Variants in RHD observed in about 807,000 individuals in gnomAD.
RHD encodes Rh blood group D antigen.
A neutral mutation model predicts 45.5 loss-of-function variants in RHD; 16 were observed. The ratio of observed to expected loss-of-function variants is 0.35; its 90% CI spans 0.24 to 0.53. The LOEUF is 0.53. RHD is among the 20% of genes least tolerant of loss of function. The pLI, the probability that RHD is intolerant of heterozygous loss-of-function variation, is 0.92. For missense variants in RHD, 306 were observed against 532.0 expected (o/e 0.58, Z 4.18); for synonymous variants, 131 against 217.5 (o/e 0.60, Z 3.50).
At chr1:25,319,882 C>T (rs2124129652) in intron 8 of RHD, among the ~76,000 whole-genome samples, 1 of 131,436 alleles carries the variant, frequency 7.6e-6, no homozygotes, top group African/African-American at 2.6e-5. Context: ...AAGAGCCTAA[C>T]AGAGGAAGAG....
Position 25,285,821 on chromosome 1 carries a change from G to C in RHD, c.335+1062G>C, listed in dbSNP as rs538104973. ...CTCTGAATCCCTGTGCTGCCCAGAT[G>C]ATGGTAAACGTCATCCTAGGCATCT... On this transcript the variant is annotated intron_variant, in intron 2 of 9. Coordinates refer to ENST00000328664, the MANE Select transcript of RHD (RefSeq NM_016124.6). 1.5e-4 allele frequency among the ~76,000 whole-genome samples: 20 copies of C among 134,910 alleles called. 7 individuals carry two copies. The highest frequency in any genetic ancestry group is 3.3e-4 in the Non-Finnish European group (19 of 57,044). 88.5% of individuals were successfully genotyped at this position (134,910 alleles called of 152,430 possible). A position where few individuals can be genotyped will look rare whatever the true frequency, so the allele number is the denominator to read the frequency against.
intron 7 of RHD, among the ~76,000 whole-genome samples, chr1:25,308,735 T>C (rs1643980620): frequency 7.8e-6 from 1 of 127,942 alleles, no homozygotes; most frequent in South Asian, 2.4e-4. Flanking sequence ...AAGAAGCAGT[T>C]ATCCTCTTGC....
chr1:25,321,066 G>A (rs1644672008), intron 8 of RHD, among the ~76,000 whole-genome samples: 1 of 130,178 alleles, frequency 7.7e-6, no homozygotes, highest in South Asian at 2.4e-4. Context: ...TAAAATCAAA[G>A]ACACTTAAAA....
Position 25,315,339 on chromosome 1 carries a change from T to A in RHD, c.1074-1661T>A, listed in dbSNP as rs564013839. On this transcript the variant is annotated intron_variant, in intron 7 of 9. Coordinates refer to ENST00000328664, the MANE Select transcript of RHD (RefSeq NM_016124.6). The stretch of plus-strand genomic sequence containing the variant: ...TGGGGAGGAAGCAAACTATTGAAGA[T>A]ATACAAAGATGGCAAAGATGAGGGC... 3.9e-5 allele frequency among the ~76,000 whole-genome samples: 5 copies of A among 129,356 alleles called. No individual in the cohort carries two copies. In the East Asian group the frequency reaches 9.8e-4, roughly 25 times the overall value. 84.9% of individuals were successfully genotyped at this position (129,356 alleles called of 152,430 possible).
intron 5 of RHD, among the ~76,000 whole-genome samples, chr1:25,302,238 G>A (rs1231801697): frequency 7.7e-6 from 1 of 130,382 alleles, no homozygotes; most frequent in East Asian, 2.0e-4. Flanking sequence ...GCTGCTATTA[G>A]TAAAGAGAGA....
Position 25,300,872 on chromosome 1 carries a change from T to C in RHD, c.487-74T>C. On this transcript the variant is annotated intron_variant, in intron 3 of 9. Coordinates refer to ENST00000328664, the MANE Select transcript of RHD (RefSeq NM_016124.6). The stretch of plus-strand genomic sequence containing the variant: ...ACCTCCTAAGTGAAGCTCTGAACTT[T>C]CTCCAAGGACTATCAGGGCTTGCCC... The C allele has an allele frequency of 2.2e-6, 3 of 1,340,840 alleles. 1 individual carries two copies. Among genetic ancestry groups the C allele is most frequent in the Non-Finnish European group, 3.2e-6 (3 of 948,446 alleles). The allele number at this position is 1,340,840 out of a possible 1,614,324, so 83.1% of individuals were successfully genotyped here.
rs1375773725 is a variant in RHD at position 25,329,959 on chromosome 1, C to T, written c.*1035C>T. ...TGTGAGCCACCGTGCCCAGCCTATA[C>T]TTCCCTTTTTGAATACCATTTGGTG... is the stretch of plus-strand genomic sequence containing the variant. On this transcript the variant is annotated 3_prime_UTR_variant, in exon 10 of 10. Coordinates refer to ENST00000328664, the MANE Select transcript of RHD (RefSeq NM_016124.6). 1 of 132,122 alleles carries T rather than the reference C, an allele frequency of 7.6e-6. No individual in the cohort carries two copies. Among genetic ancestry groups the T allele is most frequent in the Non-Finnish European group, 1.8e-5 (1 of 55,752 alleles). 8.2% of individuals were successfully genotyped at this position (132,122 alleles called of 1,614,324 possible).
chr1:25,277,542 T>G (rs1316375446), intron 1 of RHD, among the ~76,000 whole-genome samples: 1 of 131,768 alleles, frequency 7.6e-6, no homozygotes, highest in Non-Finnish European at 1.8e-5. Context: ...CTCTGTATCT[T>G]AGAGACCTTG....
intron 3 of RHD, among the ~76,000 whole-genome samples, chr1:25,296,145 G>A (rs1190296385): frequency 8.4e-6 from 1 of 118,514 alleles, no homozygotes; most frequent in Admixed American, 8.1e-5. Context: ...TTAGAGGTGT[G>A]AGCCACCGCG....
At chr1:25,310,855 C>G (rs964881714) in intron 7 of RHD, among the ~76,000 whole-genome samples, 1 of 131,186 alleles carries the variant, frequency 7.6e-6, no homozygotes, top group Non-Finnish European at 1.8e-5. Context: ...CACCTGTAAT[C>G]TCAGCTACTC....
At position 25,320,894 on chromosome 1, in the gene RHD, C is replaced by G. The variant is rs1366277198; in HGVS notation, c.1154-995C>G. 1.5e-5 allele frequency among the ~76,000 whole-genome samples: 2 copies of G among 130,346 alleles called. 1 individual carries two copies. The highest frequency in any genetic ancestry group is 5.2e-5 in the African/African-American group (2 of 38,356). The allele number at this position is 130,346 out of a possible 152,430, so 85.5% of individuals were successfully genotyped here. A position where few individuals can be genotyped will look rare whatever the true frequency, so the allele number is the denominator to read the frequency against. ...CTGTCTCTGCAAAAAATACCAAAAACTGAGCTGGATATGGTAGCACACACC... is the reference window on the plus strand; with the variant it reads ...CTGTCTCTGCAAAAAATACCAAAAAGTGAGCTGGATATGGTAGCACACACC... On this transcript the variant is annotated intron_variant, in intron 8 of 9. Transcript: ENST00000328664.
rs1222869209 is a variant in RHD, at chr1:25,299,667, G to A, written c.487-1279G>A. ...TGAGAGTGGATCCTGCAGGGTCGTG[G>A]CAAGAACCTGGACCTTGACTTTGAG... On this transcript the variant is annotated intron_variant, in intron 3 of 9. Coordinates refer to ENST00000328664, the MANE Select transcript of RHD (RefSeq NM_016124.6). Among the ~76,000 whole-genome samples the A allele has an allele frequency of 6.1e-5, 8 of 131,632 alleles. 1 individual carries two copies. The highest frequency in any genetic ancestry group is 3.6e-5 in the Non-Finnish European group (2 of 55,678). The allele number at this position is 131,632 out of a possible 152,430, so 86.4% of individuals were successfully genotyped here.
rs554678110 is a variant in RHD, at chr1:25,313,796, G to A, written c.1074-3204G>A. Reference sequence around the variant, plus strand: ...CATATGTTAGAATTTGTAGCTGAGGGGTTTATAATATGAGTTTCCTATGCC... The same window carrying A: ...CATATGTTAGAATTTGTAGCTGAGGAGTTTATAATATGAGTTTCCTATGCC... On this transcript the variant is annotated intron_variant, in intron 7 of 9. Coordinates refer to ENST00000328664, the MANE Select transcript of RHD (RefSeq NM_016124.6). 6.0e-5 allele frequency among the ~76,000 whole-genome samples: 8 copies of A among 132,342 alleles called. 1 individual carries two copies. In the East Asian group the frequency reaches 1.6e-3, roughly 26 times the overall value. 86.8% of individuals were successfully genotyped at this position (132,342 alleles called of 152,430 possible). A position where few individuals can be genotyped will look rare whatever the true frequency, so the allele number is the denominator to read the frequency against.
rs1448183442 is a variant in RHD at position 25,292,657 on chromosome 1, G to C, written c.486+1866G>C. On this transcript the variant is annotated intron_variant, in intron 3 of 9. Coordinates refer to ENST00000328664, the MANE Select transcript of RHD (RefSeq NM_016124.6). ...GCGTTAGGGTTAAGGTTGGGGGAGGGGGGGTAGAGATGTGTATGAAACATC... is the reference window on the plus strand; with the variant it reads ...GCGTTAGGGTTAAGGTTGGGGGAGGCGGGGTAGAGATGTGTATGAAACATC... 1.5e-5 allele frequency among the ~76,000 whole-genome samples: 2 copies of C among 129,546 alleles called. 1 individual carries two copies. The highest frequency in any genetic ancestry group is 3.7e-5 in the Non-Finnish European group (2 of 54,684). The allele number at this position is 129,546 out of a possible 152,430, so 85.0% of individuals were successfully genotyped here.
In RHD at chr1:25,297,141, C is replaced by T. The variant is rs1330204006; in HGVS notation, c.487-3805C>T. Among the ~76,000 whole-genome samples the T allele has an allele frequency of 5.8e-5, 6 of 103,034 alleles. 2 individuals are homozygous for T. Among genetic ancestry groups the T allele is most frequent in the Non-Finnish European group, 1.2e-4 (5 of 43,032 alleles). The allele number at this position is 103,034 out of a possible 152,430, so 67.6% of individuals were successfully genotyped here. A position where few individuals can be genotyped will look rare whatever the true frequency, so the allele number is the denominator to read the frequency against. The stretch of plus-strand genomic sequence containing the variant: ...CTTATTAAATTCCATCAATCTGGAG[C>T]AGTTTCTTCATCTTTCTTTATCTTT... On this transcript the variant is annotated intron_variant, in intron 3 of 9. Transcript: ENST00000328664.
chr1:25,288,776 C>T (rs1261124022), intron 2 of RHD, among the ~76,000 whole-genome samples: 2 of 126,532 alleles, frequency 1.6e-5, no homozygotes, highest in Non-Finnish European at 3.7e-5. Context: ...ACCTCCTCAG[C>T]ACAAACTGGC....
In RHD at chr1:25,304,937, C is replaced by G. The variant is rs1169524949; in HGVS notation, c.939+1478C>G. On this transcript the variant is annotated intron_variant, in intron 6 of 9. Transcript: ENST00000328664. ...TGACTTCATCACTGGCAGGACTATT[C>G]AAAAATGATTCGCTCATTCATTCAT... The G allele has an allele frequency of 2.3e-5, 3 of 131,954 alleles. 1 individual carries two copies. Among genetic ancestry groups the G allele is most frequent in the Non-Finnish European group, 3.6e-5 (2 of 55,892 alleles). 8.2% of individuals were successfully genotyped at this position (131,954 alleles called of 1,614,324 possible).
chr1:25,295,693 A>G (rs1170531278), intron 3 of RHD, among the ~76,000 whole-genome samples: 1 of 107,358 alleles, frequency 9.3e-6, no homozygotes. Context: ...ATGGAGAGAA[A>G]GGCTGAAGGG....
In RHD at chr1:25,321,875, A is replaced by G. The variant is rs368850896; in HGVS notation, c.1154-14A>G. On this transcript the variant is annotated splice_polypyrimidine_tract_variant and intron_variant, in intron 8 of 9. Coordinates refer to ENST00000328664, the MANE Select transcript of RHD (RefSeq NM_016124.6). ...GCTCCAAATCTTTTAACATTAAATTATGCATTTAAACAGGTTTGCTCCTAA... is the reference window on the plus strand; with the variant it reads ...GCTCCAAATCTTTTAACATTAAATTGTGCATTTAAACAGGTTTGCTCCTAA... 1.1e-5 allele frequency: 13 copies of G among 1,156,148 alleles called. 2 individuals are homozygous for G. The African/African-American group carries it at 1.9e-4, about 17-fold the overall frequency. 71.6% of individuals were successfully genotyped at this position (1,156,148 alleles called of 1,614,324 possible).
Sources: gnomAD v4.1 joint callset for allele counts (sites outside exome capture counted in the v4.1 genomes callset) on GRCh38, gnomAD v4.1.1 for gene constraint, MANE v1.5 for transcripts, NCBI Gene and HGNC (gene_info 2026-07-23, HGNC 2026-07-21) for gene names.